ANK1: variants seen among roughly 807,000 people sequenced by gnomAD.
The protein encoded by ANK1 is ankyrin 1.
Under a neutral mutation model 210.4 loss-of-function variants are expected in ANK1, and 51 were observed. The ratio of observed to expected loss-of-function variants is 0.24; its 90% CI spans 0.19 to 0.31. The LOEUF (loss-of-function observed/expected upper bound fraction) is 0.31, where lower values mean the gene tolerates loss of function less well. Among genes scored for constraint, ANK1 ranks in the 10% least tolerant of loss-of-function variants. ANK1 has a pLI of 1.00. For missense variants in ANK1, 2,051 were observed against 2,504.4 expected (o/e 0.82, Z 3.86); for synonymous variants, 967 against 1,025.9 (o/e 0.94, Z 1.10).
At chr8:41,882,637 C>T (rs369860322) in intron 1 of ANK1, among the ~76,000 whole-genome samples, 6 of 152,196 alleles carry the variant, frequency 3.9e-5, no homozygotes, top group Non-Finnish European at 8.8e-5. Context: ...CTGGAACTTA[C>T]CAAAAATATC....
intron 1 of ANK1, among the ~76,000 whole-genome samples, chr8:41,817,846 G>A (rs1052934906): frequency 1.8e-4 from 28 of 152,304 alleles, no homozygotes; most frequent in Non-Finnish European, 3.2e-4. Flanking sequence ...TCCAAAGAGA[G>A]ACAAAAAAGA....
chr8:41,835,660 C>CCTGCACCAAGAATGG (rs1317186202), intron 1 of ANK1, among the ~76,000 whole-genome samples: 1 of 152,176 alleles, frequency 6.6e-6, no homozygotes, highest in Non-Finnish European at 1.5e-5. Context: ...TTCTGTGCAG[C>CCTGCACCAAGAATGG]CTGCACCAAG....
At chr8:41,875,848 C>T (rs1177938669) in intron 1 of ANK1, among the ~76,000 whole-genome samples, 1 of 152,196 alleles carries the variant, frequency 6.6e-6, no homozygotes, top group Non-Finnish European at 1.5e-5. Context: ...TTACACGGCG[C>T]AGGGACTGGG....
At chr8:41,733,348 C>G (rs1806209550) in intron 3 of ANK1, among the ~76,000 whole-genome samples, 1 of 152,202 alleles carries the variant, frequency 6.6e-6, no homozygotes, top group Admixed American at 6.5e-5. Context: ...TGAAAGAAAT[C>G]TGGATTCTTC....
intron 13 of ANK1, among the ~76,000 whole-genome samples, chr8:41,716,360 C>T (rs931172220): frequency 6.6e-6 from 1 of 152,064 alleles, no homozygotes; most frequent in Admixed American, 6.6e-5. Context: ...CACACCCCCC[C>T]ACTTCCTGTT....
intron 1 of ANK1, among the ~76,000 whole-genome samples, chr8:41,763,947 T>C (rs1841162616): frequency 7.7e-6 from 1 of 129,958 alleles, no homozygotes. Flanking sequence ...GTCAGGACTC[T>C]GCAGGATCCT....
intron 2 of ANK1, among the ~76,000 whole-genome samples, chr8:41,743,401 A>G (rs1835277489): frequency 1.3e-5 from 2 of 152,200 alleles, no homozygotes; most frequent in South Asian, 4.1e-4. Context: ...AGAGCTATAT[A>G]AGTTTTGATT....
chr8:41,886,205 T>C (rs1480260307), intron 1 of ANK1, among the ~76,000 whole-genome samples: 1 of 152,242 alleles, frequency 6.6e-6, no homozygotes, highest in Non-Finnish European at 1.5e-5. Context: ...AATGCTCATG[T>C]CTTGGATTTT....
chr8:41,874,865 A>G (rs910593078), intron 1 of ANK1, among the ~76,000 whole-genome samples: 6 of 152,190 alleles, frequency 3.9e-5, no homozygotes, highest in African/African-American at 1.4e-4. Context: ...AAAATACCCA[A>G]GGTCATTTCC....
At chr8:41,717,170 T>G in intron 12 of ANK1, 119 bp from the exon 13 acceptor site, 1 of 1,024,444 alleles carries the variant, frequency 9.8e-7, no homozygotes. Flanking sequence ...GAGGTGGAGT[T>G]GCCCCAGCAG....
At chr8:41,861,287 A>G (rs868297305) in intron 1 of ANK1, among the ~76,000 whole-genome samples, 20 of 152,340 alleles carry the variant, frequency 1.3e-4, no homozygotes, top group South Asian at 2.1e-4. Flanking sequence ...CCTGGAGAGT[A>G]GCATTTCCCA....
Position 41,838,595 on chromosome 8 carries a change from G to A in ANK1, c.126+57760C>T, listed in dbSNP as rs72502210. Among the ~76,000 whole-genome samples, 673 of 151,652 alleles carry A rather than the reference G, an allele frequency of 4.4e-3. 5 individuals carry two copies. Among genetic ancestry groups the A allele is most frequent in the East Asian group, 0.029 (150 of 5,152 alleles). ...AGCCTGGCCAACATGGTGAAACCCC[G>A]TCTCTAGTAAAAATACAAAAATTAG... On this transcript the variant is annotated intron_variant, in intron 1 of 42. Coordinates refer to the ANK1 transcript ENST00000265709.
intron 37 of ANK1, among the ~76,000 whole-genome samples, chr8:41,676,196 T>C (rs1213235026): frequency 6.6e-6 from 1 of 152,232 alleles, no homozygotes; most frequent in Non-Finnish European, 1.5e-5. Context: ...CATTTTGCAT[T>C]CCCACCAGTG....
Position 41,684,661 on chromosome 8 carries a change from T to C in ANK1, c.4420A>G (p.Ile1474Val). The change falls in exon 37 of 43, where the codon ATT becomes GTT. Residue 1474 changes from isoleucine to valine, a missense_variant. Ile to Val is a conservative substitution (Grantham distance 29). Transcript: ENST00000289734. ...ATGTTCACGATCTCGCCACGGTCAA[T>C]GCTCTGCAGGGCTGTGTACAGATTC... ...MENLYTALQS[I>V]DRGEIVNMLE... 6.2e-7 allele frequency: 1 copy of C among 1,613,844 alleles called. No homozygotes were observed. Among genetic ancestry groups the C allele is most frequent in the Non-Finnish European group, 8.5e-7 (1 of 1,179,974 alleles).
chr8:41,784,830 A>G (rs1381695643), intron 1 of ANK1, among the ~76,000 whole-genome samples: 2 of 152,242 alleles, frequency 1.3e-5, no homozygotes, highest in African/African-American at 2.4e-5. Context: ...AGCCCTGTAC[A>G]TAGTGGAACA....
intron 1 of ANK1, among the ~76,000 whole-genome samples, chr8:41,867,865 G>T (rs1814773770): frequency 6.6e-6 from 1 of 152,206 alleles, no homozygotes; most frequent in South Asian, 2.1e-4. Flanking sequence ...GCAGGTGTTT[G>T]TTTGTTTGTT....
intron 2 of ANK1, among the ~76,000 whole-genome samples, chr8:41,753,313 A>C (rs1838255762): frequency 6.6e-6 from 1 of 151,882 alleles, no homozygotes; most frequent in Non-Finnish European, 1.5e-5. Flanking sequence ...TGATCTGCCC[A>C]CCTCGGCCTC....
At chr8:41,843,584 C>G (rs1303100802) in intron 1 of ANK1, among the ~76,000 whole-genome samples, 1 of 152,136 alleles carries the variant, frequency 6.6e-6, no homozygotes, top group Admixed American at 6.5e-5. Flanking sequence ...CTGCTGGAGG[C>G]CTCCTCAGGC....
At chr8:41,896,220 T>C in intron 1 of ANK1, 1 of 1,282,286 alleles carries the variant, frequency 7.8e-7, no homozygotes, top group Non-Finnish European at 1.0e-6. Context: ...CCACCGAGCC[T>C]TCCCCGCTCG....
Sources: allele counts gnomAD v4.1 joint callset (sites outside exome capture counted in the v4.1 genomes callset), GRCh38; gene constraint gnomAD v4.1.1; transcripts MANE v1.5; gene names NCBI Gene and HGNC (gene_info 2026-07-23, HGNC 2026-07-21).